USP39: variants seen among roughly 807,000 people sequenced by gnomAD.
The protein encoded by USP39 is ubiquitin carboxyl-terminal hydrolase 39.
A neutral mutation model predicts 66.4 loss-of-function variants in USP39; 38 were observed. That is an observed-to-expected ratio of 0.57 (90% CI 0.44 to 0.75). The LOEUF is 0.75. Ranked by LOEUF, USP39 falls within the 30% of genes least tolerant of loss-of-function variation. USP39 has a pLI of 0.00. For synonymous variants in USP39, 303 were observed against 274.6 expected, an observed-to-expected ratio of 1.10 and a Z score of -1.02; for missense variants, 608 against 714.4, an observed-to-expected ratio of 0.85 and a Z score of 1.70.
intron 8 of USP39, among the ~76,000 whole-genome samples, chr2:85,638,432 G>A (rs1675961013): frequency 2.0e-5 from 3 of 151,948 alleles, no homozygotes; most frequent in Admixed American, 2.0e-4. Flanking sequence ...CTCCCTTGCT[G>A]AAGTGATCCT....
At position 85,616,343 on chromosome 2, in the gene USP39, G is replaced by C. The variant is rs750709837; in HGVS notation, c.148G>C (p.Val50Leu). Residue 50 changes from valine to leucine, a missense_variant, in exon 1 of 13, where the codon GTG (valine) becomes CTG (leucine). Val to Leu is a conservative substitution (Grantham distance 32). Around this residue, in one of 6 missense-constraint regions of USP39, gnomAD observed 207 missense variants for 145.7 expected, o/e 1.42. Coordinates refer to ENST00000323701, the MANE Select transcript of USP39 (RefSeq NM_006590.4). ...AASSRGSPVR[V>L]KREFEPASAR... is the part of the protein sequence containing the mutation. ...GAGCTCCCGGGGCAGCCCTGTGCGCGTGAAGCGGGAGTTCGAGCCGGCGAG... is the reference window on the plus strand; with the variant it reads ...GAGCTCCCGGGGCAGCCCTGTGCGCCTGAAGCGGGAGTTCGAGCCGGCGAG... 8 of 1,601,130 alleles carry C rather than the reference G, an allele frequency of 5.0e-6. No homozygotes were observed. Among genetic ancestry groups the C allele is most frequent in the Non-Finnish European group, 6.8e-6 (8 of 1,174,044 alleles).
At chr2:85,638,075 G>A (rs1337855556) in intron 8 of USP39, among the ~76,000 whole-genome samples, 2 of 151,768 alleles carry the variant, frequency 1.3e-5, no homozygotes, top group Admixed American at 6.6e-5. Context: ...AGTCTGGAGT[G>A]CAATGGCATG....
intron 1 of USP39, among the ~76,000 whole-genome samples, chr2:85,604,566 G>T (rs527981348): frequency 1.3e-5 from 2 of 152,184 alleles, no homozygotes; most frequent in Non-Finnish European, 2.9e-5. Flanking sequence ...GGGCCAAGAA[G>T]TATGGCTGTG....
At chr2:85,628,445 G>A (rs966849487) in intron 5 of USP39, among the ~76,000 whole-genome samples, 8 of 152,040 alleles carry the variant, frequency 5.3e-5, no homozygotes, top group Non-Finnish European at 8.8e-5. Context: ...GCGCCCTGCC[G>A]AGTGAAAACC....
rs755005706 is a variant in USP39 at position 85,648,773 on chromosome 2, C to T, written c.1663C>T (p.Arg555Ter). Residue 555 changes from arginine (R) to a stop codon, truncating the protein, a stop_gained, in exon 13 of 13, where the codon CGA (arginine) becomes TGA (stop). Coordinates refer to ENST00000323701, the MANE Select transcript of USP39 (RefSeq NM_006590.4). LOFTEE classifies it high-confidence loss of function. Reference sequence around the variant, plus strand: ...TCATTTCTTACAGATTTGGAAGAGGCGAGATAATGATGAAACCAACCAGCA... The same window carrying T: ...TCATTTCTTACAGATTTGGAAGAGGTGAGATAATGATGAAACCAACCAGCA... ...SEAYIQIWKR[R>*]DNDETNQQGA 1.2e-5 allele frequency: 19 copies of T among 1,613,930 alleles called. No homozygotes were observed. Among genetic ancestry groups the T allele is most frequent in the Non-Finnish European group, 1.4e-5 (17 of 1,179,988 alleles).
At chr2:85,608,677 A>G (rs923766111), upstream of USP39, 1 of 309,954 alleles carries the variant, frequency 3.2e-6, no homozygotes, top group Admixed American at 4.9e-5. Flanking sequence ...CTGCTTCTAG[A>G]ACACATTAGC....
chr2:85,609,010 G>A (rs771589402), upstream of USP39: 18 of 1,614,132 alleles, frequency 1.1e-5, no homozygotes, highest in East Asian at 3.6e-4. Context: ...TCTCGCATGG[G>A]TGGATCCAGA....
intron 5 of USP39, among the ~76,000 whole-genome samples, chr2:85,629,184 C>T (rs745908451): frequency 1.3e-5 from 2 of 151,946 alleles, no homozygotes; most frequent in African/African-American, 2.4e-5. Context: ...CTGCCTCAGC[C>T]TCCCGAGAAG....
At chr2:85,608,905 G>A, upstream of USP39, 1 of 1,607,526 alleles carries the variant, frequency 6.2e-7, no homozygotes, top group Non-Finnish European at 8.5e-7. Context: ...ATTCTTCCGA[G>A]TGCAGTGAAT....
At chr2:85,612,983 T>C (rs1297514096), upstream of USP39, among the ~76,000 whole-genome samples, 12 of 151,936 alleles carry the variant, frequency 7.9e-5, no homozygotes, top group Non-Finnish European at 1.8e-4. Flanking sequence ...TTTTCTATTT[T>C]TTCTGACCAC....
rs561408676 is a variant in USP39 at position 85,620,686 on chromosome 2, G to C, written c.339-799G>C. Among the ~76,000 whole-genome samples, 3 of 152,278 alleles carry C rather than the reference G, an allele frequency of 2.0e-5. No individual in the cohort carries two copies. In the South Asian group the frequency reaches 6.2e-4, roughly 32 times the overall value. The stretch of plus-strand genomic sequence containing the variant: ...AACATTGTGGATTTTGGTATTTGAA[G>C]GGGTCCTAGAACCAGTGTCCTGTGG... On this transcript the variant is annotated intron_variant, in intron 2 of 12. Transcript: ENST00000323701.
intron 8 of USP39, among the ~76,000 whole-genome samples, chr2:85,638,499 A>T (rs1675965560): frequency 6.6e-6 from 1 of 151,516 alleles, no homozygotes; most frequent in African/African-American, 2.4e-5. Context: ...ACACCGGGCT[A>T]ATTTTTATTT....
intron 8 of USP39, among the ~76,000 whole-genome samples, chr2:85,638,337 A>G (rs998362503): frequency 2.7e-5 from 4 of 149,524 alleles, no homozygotes; most frequent in Non-Finnish European, 4.5e-5. Context: ...TCTTTTTTTA[A>G]TGGATTTTTT....
At chr2:85,612,494 A>T, upstream of USP39, 6 of 929,794 alleles carry the variant, frequency 6.5e-6, no homozygotes, top group East Asian at 3.1e-5. Context: ...GAGGCCTTGA[A>T]GTGCTCAGGC....
At chr2:85,612,374 T>C (rs937958310), upstream of USP39, 2 of 1,535,726 alleles carry the variant, frequency 1.3e-6, no homozygotes, top group African/African-American at 2.7e-5. Context: ...TAGGATGCTG[T>C]GCAATCCATC....
upstream of USP39, among the ~76,000 whole-genome samples, chr2:85,612,858 A>G (rs936868279): frequency 5.3e-5 from 8 of 151,276 alleles, no homozygotes; most frequent in South Asian, 1.3e-3. Context: ...ATAAGGTTTC[A>G]CCACGTTGGC....
Position 85,622,618 on chromosome 2 carries a change from ATT to A in USP39, c.434-1013_434-1012del, listed in dbSNP as rs56707752. On this transcript the variant is annotated intron_variant, in intron 3 of 12. Transcript: ENST00000323701. ...GCCTTATTATGTTACCCAGGCTACAATTTTTTTTTTTTTTTTGGAATATTCTT... is the reference window on the plus strand; with the variant it reads ...GCCTTATTATGTTACCCAGGCTACAATTTTTTTTTTTTTTGGAATATTCTT... Among the ~76,000 whole-genome samples, 804 of 135,290 alleles carry A rather than the reference ATT, an allele frequency of 5.9e-3. 10 individuals are homozygous for A. Among genetic ancestry groups the A allele is most frequent in the African/African-American group, 0.021 (770 of 37,416 alleles). The allele number at this position is 135,290 out of a possible 152,430, so 88.8% of individuals were successfully genotyped here. A position where few individuals can be genotyped will look rare whatever the true frequency, so the allele number is the denominator to read the frequency against.
At chr2:85,625,114 T>A (rs994625523) in intron 4 of USP39, among the ~76,000 whole-genome samples, 2 of 152,170 alleles carry the variant, frequency 1.3e-5, no homozygotes, top group African/African-American at 4.8e-5. Flanking sequence ...ATCCTGCTCT[T>A]CCAGTACCAG....
intron 11 of USP39, 194 bp downstream of exon 11, chr2:85,645,277 C>CT (rs61391085): frequency 0.021 from 7,726 of 367,238 alleles, 1 homozygote; most frequent in South Asian, 0.029. Context: ...ACCTTGGGAG[C>CT]TTTTTTTTTT....
Sources: gnomAD v4.1 joint callset for allele counts (sites outside exome capture counted in the v4.1 genomes callset) on GRCh38, gnomAD v4.1.1 for gene constraint, gnomAD v4.1.1 regional missense constraint, MANE v1.5 for transcripts, NCBI Gene and HGNC (gene_info 2026-07-23, HGNC 2026-07-21) for gene names.